The following NR3C1 variants were observed in gnomAD, a reference collection of about 807,000 sequenced individuals.
The protein encoded by NR3C1 is nuclear receptor subfamily 3 group C member 1.
In NR3C1, 14 loss-of-function variants were observed where a neutral mutation model predicts 74.0. The ratio of observed to expected loss-of-function variants is 0.19; its 90% confidence interval spans 0.12 to 0.30. The LOEUF is 0.30. NR3C1 is among the 10% of genes least tolerant of loss of function. The pLI is 1.00. For synonymous variants in NR3C1, 308 were observed against 332.5 expected, an observed-to-expected ratio of 0.93 and a Z score of 0.80; for missense variants, 695 against 909.8, an observed-to-expected ratio of 0.76 and a Z score of 3.04.
chr5:143,391,616 T>A (rs1457712899), intron 2 of NR3C1, among the ~76,000 whole-genome samples: 2 of 152,162 alleles, frequency 1.3e-5, no homozygotes, highest in South Asian at 2.1e-4. Context: ...CTATGGCTAT[T>A]ATGTAGATGG....
chr5:143,400,601 T>C lies in NR3C1; in HGVS notation c.239A>G (p.Lys80Arg). 1.2e-6 allele frequency: 2 copies of C among 1,614,224 alleles called. No individual in the cohort carries two copies. Among genetic ancestry groups the C allele is most frequent in the South Asian group, 1.1e-5 (1 of 91,086 alleles). The change falls in exon 2 of 9, where the codon AAA (lysine) becomes AGA (arginine). Residue 80 changes from lysine (K) to arginine (R), a missense_variant. Physicochemically the swap from Lys to Arg is conservative, Grantham distance 26. Coordinates refer to ENST00000394464, the MANE Select transcript of NR3C1 (RefSeq NM_000176.3). ...CAGTCCCATTGAGAGTGAAACTGCT[T>C]TGGACAGATCTGGCTGCTGCGCATT... ...VSNAQQPDLS[K>R]AVSLSMGLYM...
chr5:143,319,970 C>T (rs1244905997), intron 2 of NR3C1, among the ~76,000 whole-genome samples: 1 of 152,170 alleles, frequency 6.6e-6, no homozygotes, highest in South Asian at 2.1e-4. Context: ...TTATCAAGTA[C>T]AGGATTGGCT....
intron 7 of NR3C1, 52 bp downstream of exon 7, chr5:143,295,408 A>T: frequency 1.2e-6 from 2 of 1,603,854 alleles, no homozygotes; most frequent in Non-Finnish European, 1.7e-6. Context: ...CTTTGTTTCT[A>T]GGCCTTCATA....
intron 2 of NR3C1, chr5:143,332,553 A>C (rs1249089800): frequency 3.7e-6 from 3 of 801,464 alleles, no homozygotes; most frequent in Admixed American, 2.6e-5. Flanking sequence ...CTGGAACTTA[A>C]AATAAAAATT....
chr5:143,389,045 T>C (rs570383905), intron 2 of NR3C1, among the ~76,000 whole-genome samples: 2 of 152,346 alleles, frequency 1.3e-5, no homozygotes, highest in African/African-American at 4.8e-5. Context: ...TTCCAAATAG[T>C]TGAATCAAAT....
At chr5:143,341,392 T>A (rs75160679) in intron 2 of NR3C1, among the ~76,000 whole-genome samples, 97 of 152,324 alleles carry the variant, frequency 6.4e-4, no homozygotes, top group Non-Finnish European at 1.0e-3. Context: ...AGCAAAGTTA[T>A]TAGAACAATG....
chr5:143,395,828 C>T (rs1209373704), intron 2 of NR3C1, among the ~76,000 whole-genome samples: 1 of 151,850 alleles, frequency 6.6e-6, no homozygotes, highest in Non-Finnish European at 1.5e-5. Context: ...CCGACTTTCA[C>T]ATTAGGCAGT....
At position 143,399,992 on chromosome 5, in the gene NR3C1, A is replaced by C. The variant is rs1839956436; in HGVS notation, c.848T>G (p.Phe283Cys). Reference sequence around the variant, plus strand: ...TACCCCAGGGGTGCAGAGTTCGATGAAATCTTCTTTTTCTGTTTTCACTTG... The same window carrying C: ...TACCCCAGGGGTGCAGAGTTCGATGCAATCTTCTTTTTCTGTTTTCACTTG... ...LPQVKTEKED[F>C]IELCTPGVIK... is the part of the protein sequence containing the mutation. Residue 283 changes from phenylalanine to cysteine, a missense_variant, in exon 2 of 9, where the codon TTC becomes TGC. By Grantham distance (205) the Phe-to-Cys change is radical. This residue lies in a region of NR3C1 where 497 missense variants were observed against 489.5 expected (regional missense o/e 1.02). Transcript: ENST00000394464. The C allele has an allele frequency of 1.9e-6, 3 of 1,614,174 alleles. No homozygotes were observed. Among genetic ancestry groups the C allele is most frequent in the South Asian group, 2.2e-5 (2 of 91,074 alleles).
intron 1 of NR3C1, among the ~76,000 whole-genome samples, chr5:143,424,077 G>T (rs529552560): frequency 6.9e-6 from 1 of 145,696 alleles, no homozygotes; most frequent in East Asian, 2.1e-4. Flanking sequence ...TGTGGGGAGG[G>T]GGGAGGGATA....
chr5:143,434,623 A>T, exon 1 of NR3C1: 1 of 985,446 alleles, frequency 1.0e-6, no homozygotes, highest in African/African-American at 1.7e-5. Flanking sequence ...TTAAGGTACA[A>T]CTAAAGCCCG....
At chr5:143,404,232 AGT>A (rs1268513630), upstream of NR3C1, 7 of 985,266 alleles carry the variant, frequency 7.1e-6, no homozygotes, top group South Asian at 4.7e-5. Flanking sequence ...AGTTGCGTGA[AGT>A]GTGTCACTTC....
chr5:143,295,227 G>GATCC (rs1816913917), intron 7 of NR3C1: 1 of 985,180 alleles, frequency 1.0e-6, no homozygotes, highest in Admixed American at 6.2e-5. Flanking sequence ...TATCAACAGA[G>GATCC]ATCCCTATGC....
rs577987101 is a variant in NR3C1, at chr5:143,350,504, C to G, written c.1185-36336G>C. ...TAGGGACTACAGGAGAAAGAGGAAG[C>G]AGGCCTTAGAATAAGTCAATGAATT... On this transcript the variant is annotated intron_variant, in intron 2 of 8. Coordinates refer to ENST00000394464, the MANE Select transcript of NR3C1 (RefSeq NM_000176.3). Among the ~76,000 whole-genome samples the G allele has an allele frequency of 5.9e-5, 9 of 152,210 alleles. No homozygotes were observed. The South Asian group carries it at 1.9e-3, about 32-fold the overall frequency.
At chr5:143,427,680 TC>T (rs1751603742) in intron 1 of NR3C1, among the ~76,000 whole-genome samples, 2 of 152,180 alleles carry the variant, frequency 1.3e-5, no homozygotes, top group Admixed American at 1.3e-4. Context: ...TGCCTTCTTT[TC>T]CCCCATGGAT....
chr5:143,358,249 G>A (rs1293714143), intron 2 of NR3C1, among the ~76,000 whole-genome samples: 2 of 152,160 alleles, frequency 1.3e-5, no homozygotes, highest in East Asian at 3.8e-4. Context: ...TGAGACCCAT[G>A]TTAGCTCAGC....
chr5:143,382,859 G>A (rs1018048246), intron 2 of NR3C1, among the ~76,000 whole-genome samples: 1 of 152,182 alleles, frequency 6.6e-6, no homozygotes, highest in Non-Finnish European at 1.5e-5. Flanking sequence ...GGTGTATGCT[G>A]ACATGAATCC....
At chr5:143,380,940 C>T (rs1428177726) in intron 2 of NR3C1, among the ~76,000 whole-genome samples, 2 of 152,206 alleles carry the variant, frequency 1.3e-5, no homozygotes, top group East Asian at 3.9e-4. Context: ...ACTGGAAGAC[C>T]TACCTAGAGT....
At chr5:143,364,582 C>A (rs912769991) in intron 2 of NR3C1, among the ~76,000 whole-genome samples, 1 of 152,132 alleles carries the variant, frequency 6.6e-6, no homozygotes, top group South Asian at 2.1e-4. Context: ...CATTGATAAA[C>A]ACACAGTGTA....
At chr5:143,290,916 T>C (rs1414165200) in intron 7 of NR3C1, among the ~76,000 whole-genome samples, 1 of 152,204 alleles carries the variant, frequency 6.6e-6, no homozygotes, top group Non-Finnish European at 1.5e-5. Context: ...TTAGCTGTAC[T>C]AATGTACCTT....
Sources: gnomAD v4.1 joint callset for allele counts (sites outside exome capture counted in the v4.1 genomes callset) on GRCh38, gnomAD v4.1.1 for gene constraint, gnomAD v4.1.1 regional missense constraint, MANE v1.5 for transcripts, NCBI Gene and HGNC (gene_info 2026-07-23, HGNC 2026-07-21) for gene names.